The following SPTLC1 variants were observed in gnomAD, a reference collection of about 807,000 sequenced individuals.
The protein encoded by SPTLC1 is serine palmitoyltransferase long chain base subunit 1, also known as serine palmitoyltransferase 1.
In SPTLC1, 55 loss-of-function variants were observed where a neutral mutation model predicts 68.9. The observed-to-expected ratio is 0.80, with a 90% confidence interval of 0.64 to 1.00. SPTLC1 has a LOEUF of 1.00. Among genes scored for constraint, SPTLC1 ranks in the 50% least tolerant of loss-of-function variants. The pLI, the probability that SPTLC1 is intolerant of heterozygous loss-of-function variation, is 0.00. For missense variants in SPTLC1, 449 were observed against 573.1 expected (o/e 0.78, Z 2.21); for synonymous variants, 197 against 201.6 (o/e 0.98, Z 0.19).
chr9:92,044,249 CACAG>C (rs1389073530), intron 12 of SPTLC1, among the ~76,000 whole-genome samples: 1 of 152,148 alleles, frequency 6.6e-6, no homozygotes, highest in Admixed American at 6.5e-5. Flanking sequence ...AAAAGAGAAG[CACAG>C]ACAAAGCCTT....
At chr9:92,057,466 C>A (rs1294495808) in intron 7 of SPTLC1, among the ~76,000 whole-genome samples, 1 of 152,218 alleles carries the variant, frequency 6.6e-6, no homozygotes, top group Non-Finnish European at 1.5e-5. Context: ...TAGGAACACT[C>A]TTTGTCTCAC....
At chr9:92,046,608 T>A (rs1833522012) in intron 11 of SPTLC1, among the ~76,000 whole-genome samples, 1 of 152,190 alleles carries the variant, frequency 6.6e-6, no homozygotes, top group Non-Finnish European at 1.5e-5. Context: ...GGGTAGGGCC[T>A]GCTGCTCCCT....
At chr9:92,062,470 G>A (rs1166960262) in intron 6 of SPTLC1, among the ~76,000 whole-genome samples, 3 of 152,088 alleles carry the variant, frequency 2.0e-5, no homozygotes, top group Admixed American at 2.0e-4. Flanking sequence ...CACCAAGACA[G>A]AAGAACCCAA....
At chr9:92,072,010 C>G (rs934495090) in intron 5 of SPTLC1, among the ~76,000 whole-genome samples, 6 of 152,236 alleles carry the variant, frequency 3.9e-5, no homozygotes, top group Non-Finnish European at 8.8e-5. Context: ...CATCTCCAAT[C>G]CCACCACCCT....
chr9:92,078,919 T>A (rs1834775511), intron 5 of SPTLC1: 1 of 384,428 alleles, frequency 2.6e-6, no homozygotes, highest in Non-Finnish European at 3.6e-6. Context: ...ATCACAAAAG[T>A]AAAAAACTTA....
At chr9:92,071,675 CT>C (rs1377939043) in intron 5 of SPTLC1, among the ~76,000 whole-genome samples, 1 of 152,154 alleles carries the variant, frequency 6.6e-6, no homozygotes, top group African/African-American at 2.4e-5. Flanking sequence ...GTAAGGTCCC[CT>C]GACCAAGCTG....
chr9:92,114,163 G>A (rs535286232), intron 1 of SPTLC1, among the ~76,000 whole-genome samples: 2 of 152,044 alleles, frequency 1.3e-5, no homozygotes, highest in East Asian at 1.9e-4. Flanking sequence ...CCAGCTACTC[G>A]GGAGTCTGAG....
intron 6 of SPTLC1, 39 bp downstream of exon 6, chr9:92,067,927 A>G: frequency 6.2e-7 from 1 of 1,602,278 alleles, no homozygotes; most frequent in Non-Finnish European, 8.5e-7. Context: ...TATTATTTCA[A>G]AGGAACTGCT....
At chr9:92,101,584 A>G (rs1034495581) in intron 3 of SPTLC1, among the ~76,000 whole-genome samples, 1 of 111,686 alleles carries the variant, frequency 9.0e-6, no homozygotes, top group Non-Finnish European at 1.7e-5. Context: ...AAAAAAAAAG[A>G]GAAAAGAAAA....
intron 14 of SPTLC1, 43 bp from the exon 15 acceptor site, chr9:92,032,601 G>C (rs917696333): frequency 6.2e-7 from 1 of 1,613,182 alleles, no homozygotes; most frequent in Non-Finnish European, 8.5e-7. Flanking sequence ...TTGTGGGCCA[G>C]GCGCAGTGGC....
At chr9:92,056,230 G>T (rs1245701919) in intron 7 of SPTLC1, among the ~76,000 whole-genome samples, 2 of 152,076 alleles carry the variant, frequency 1.3e-5, no homozygotes, top group Non-Finnish European at 2.9e-5. Flanking sequence ...GGGGTAGAGA[G>T]GTCTCCTTTT....
At chr9:92,103,605 A>G (rs1181439837) in intron 3 of SPTLC1, among the ~76,000 whole-genome samples, 1 of 152,194 alleles carries the variant, frequency 6.6e-6, no homozygotes, top group African/African-American at 2.4e-5. Flanking sequence ...GCATGTGGTA[A>G]GAGGCGCATC....
intron 3 of SPTLC1, chr9:92,104,447 G>A: frequency 4.3e-6 from 6 of 1,383,000 alleles, no homozygotes; most frequent in Admixed American, 2.5e-5. Flanking sequence ...CTTATCCCTC[G>A]GAACACGGGC....
intron 3 of SPTLC1, among the ~76,000 whole-genome samples, chr9:92,103,155 G>A (rs1451319064): frequency 1.3e-5 from 2 of 152,198 alleles, no homozygotes; most frequent in African/African-American, 4.8e-5. Flanking sequence ...TTTTAGGACA[G>A]ACCAAAGCTG....
At chr9:92,106,853 C>T (rs1836014724) in intron 3 of SPTLC1, among the ~76,000 whole-genome samples, 2 of 152,164 alleles carry the variant, frequency 1.3e-5, no homozygotes, top group Admixed American at 1.3e-4. Flanking sequence ...CTTTCTCCTT[C>T]CAGCCTCCCT....
chr9:92,055,641 A>AGC, intron 7 of SPTLC1, 147 bp from the exon 8 acceptor site: 1 of 820,980 alleles, frequency 1.2e-6, no homozygotes, highest in Non-Finnish European at 2.0e-6. Context: ...GTGATGGGTT[A>AGC]TTTTGAGATG....
At position 92,058,937 on chromosome 9, in the gene SPTLC1, TG is replaced by T. The variant is rs1484382461; in HGVS notation, c.690+241del. Among the ~76,000 whole-genome samples, 26 of 152,310 alleles carry T rather than the reference TG, an allele frequency of 1.7e-4. 1 individual carries two copies. Among genetic ancestry groups the T allele is most frequent in the Admixed American group, 1.6e-3 (24 of 15,290 alleles). On this transcript the variant is annotated intron_variant, in intron 7 of 14. Transcript: ENST00000262554. Reference sequence around the variant, plus strand: ...GCACATGCTGTTTTTCAGCCTCTCTTGATCTCTCAGAAAGCTGCTTGGATTA... The same window carrying T: ...GCACATGCTGTTTTTCAGCCTCTCTTATCTCTCAGAAAGCTGCTTGGATTA...
chr9:92,098,300 G>A (rs1199711452), intron 3 of SPTLC1, among the ~76,000 whole-genome samples: 1 of 145,738 alleles, frequency 6.9e-6, no homozygotes, highest in South Asian at 2.3e-4. Flanking sequence ...AACCTATCCC[G>A]CCCCTACCCC....
At chr9:92,081,411 G>T (rs1017430559) in intron 3 of SPTLC1, among the ~76,000 whole-genome samples, 4 of 152,322 alleles carry the variant, frequency 2.6e-5, no homozygotes, top group South Asian at 2.1e-4. Flanking sequence ...TCATGTATAG[G>T]AAGCCACTAA....
Sources: gnomAD v4.1 joint callset for allele counts (sites outside exome capture counted in the v4.1 genomes callset) on GRCh38, gnomAD v4.1.1 for gene constraint, MANE v1.5 for transcripts, NCBI Gene and HGNC (gene_info 2026-07-23, HGNC 2026-07-21) for gene names.